Variants in CSMD3 observed in about 807,000 individuals in gnomAD.
CSMD3 encodes the protein CUB and Sushi multiple domains 3, also known as CUB and sushi domain-containing protein 3.
In CSMD3, 177 loss-of-function variants were observed where a neutral mutation model predicts 435.2. The observed-to-expected ratio is 0.41, with a 90% CI of 0.36 to 0.46. The LOEUF (loss-of-function observed/expected upper bound fraction) is 0.46. CSMD3 is among the 20% of genes least tolerant of loss of function. The pLI is 0.34. For missense variants in CSMD3, 4,265 were observed against 4,504.6 expected, an observed-to-expected ratio of 0.95 and a Z score of 1.52; for synonymous variants, 1,656 against 1,520.5, an observed-to-expected ratio of 1.09 and a Z score of -2.07.
chr8:113,255,657 G>A (rs968340548), intron 3 of CSMD3, among the ~76,000 whole-genome samples: 5 of 151,802 alleles, frequency 3.3e-5, no homozygotes, highest in Non-Finnish European at 5.9e-5. Context: ...GTTCAATCCT[G>A]CTAATAAAGG....
At chr8:112,786,430 T>C (rs887491826) in intron 13 of CSMD3, among the ~76,000 whole-genome samples, 11 of 152,096 alleles carry the variant, frequency 7.2e-5, no homozygotes, top group African/African-American at 2.7e-4. Context: ...TGAAATTATG[T>C]CAAGTTTAAA....
intron 8 of CSMD3, among the ~76,000 whole-genome samples, chr8:112,949,893 T>C (rs951432765): frequency 6.6e-6 from 1 of 152,008 alleles, no homozygotes; most frequent in African/African-American, 2.4e-5. Flanking sequence ...CATGTCTCCA[T>C]GTTTTCCTTT....
In CSMD3 at chr8:112,636,954, C is replaced by T. The variant is rs1323845975; in HGVS notation, c.3578G>A (p.Arg1193Gln). 3.1e-6 allele frequency: 5 copies of T among 1,613,496 alleles called. No homozygotes were observed. Among genetic ancestry groups the T allele is most frequent in the Non-Finnish European group, 4.2e-6 (5 of 1,179,778 alleles). Residue 1193 changes from arginine to glutamine, a missense_variant, in exon 22 of 71, where the codon CGA becomes CAA. By Grantham distance (43) the Arg-to-Gln change is conservative. Transcript: ENST00000297405. Reference protein sequence around the residue: ...EDPGIPQYGSRIGFNFGIGDT... With the variant: ...EDPGIPQYGSQIGFNFGIGDT... ...ACCAATCCCAAAGTTGAACCCGATT[C>T]GACTACCATATTGAGGAATGCCAGG...
rs1353132190 is a variant in CSMD3 at position 112,587,269 on chromosome 8, AATAG to A, written c.3716-38_3716-35del. 9 of 1,481,360 alleles carry A rather than the reference AATAG, an allele frequency of 6.1e-6. No homozygotes were observed. The South Asian group carries it at 1.0e-4, about 17-fold the overall frequency. The allele number at this position is 1,481,360 out of a possible 1,614,324, so 91.8% of individuals were successfully genotyped here. On this transcript the variant is annotated intron_variant, in intron 22 of 70. Coordinates refer to ENST00000297405, the MANE Select transcript of CSMD3 (RefSeq NM_198123.2). The stretch of plus-strand genomic sequence containing the variant: ...AAAACAGAATATTGAAGTACAGTTT[AATAG>A]ATAGCAGTATCATTTTCAAGCAATA...
At chr8:112,496,060 C>G (rs1050681615) in intron 30 of CSMD3, among the ~76,000 whole-genome samples, 3 of 152,104 alleles carry the variant, frequency 2.0e-5, no homozygotes, top group East Asian at 3.9e-4. Flanking sequence ...AGCTCCGCCT[C>G]TCCGGTTCAC....
chr8:113,271,651 T>A (rs1431612440), intron 3 of CSMD3, among the ~76,000 whole-genome samples: 1 of 152,170 alleles, frequency 6.6e-6, no homozygotes, highest in Admixed American at 6.6e-5. Flanking sequence ...GGGGCCCTCA[T>A]GGATAACTTA....
intron 28 of CSMD3, among the ~76,000 whole-genome samples, chr8:112,516,276 A>C (rs1192086488): frequency 6.6e-6 from 1 of 152,172 alleles, no homozygotes; most frequent in Non-Finnish European, 1.5e-5. Flanking sequence ...AAATAAATAA[A>C]ATTTTCAGTA....
At chr8:113,000,879 GCAACCA>G (rs2085837194) in intron 6 of CSMD3, among the ~76,000 whole-genome samples, 1 of 151,872 alleles carries the variant, frequency 6.6e-6, no homozygotes, top group Non-Finnish European at 1.5e-5. Context: ...ATCATCACTT[GCAACCA>G]CAAATATACT....
At chr8:112,941,498 A>C (rs76647302) in intron 9 of CSMD3, among the ~76,000 whole-genome samples, 5,121 of 151,888 alleles carry the variant, frequency 0.034, 148 homozygotes, top group Middle Eastern at 0.051. Flanking sequence ...ATAAACGATT[A>C]ACTAAGATAA....
At chr8:113,200,333 C>A (rs1242556582) in intron 3 of CSMD3, among the ~76,000 whole-genome samples, 3 of 151,844 alleles carry the variant, frequency 2.0e-5, no homozygotes, top group Non-Finnish European at 4.4e-5. Flanking sequence ...TAGGATGCTG[C>A]AATATGCCCC....
chr8:113,276,573 G>A (rs1323851619), intron 3 of CSMD3, among the ~76,000 whole-genome samples: 1 of 152,048 alleles, frequency 6.6e-6, no homozygotes, highest in Non-Finnish European at 1.5e-5. Flanking sequence ...GAATACGCCA[G>A]AAAGTAGATT....
intron 45 of CSMD3, among the ~76,000 whole-genome samples, chr8:112,325,106 G>A (rs1405319003): frequency 6.6e-6 from 1 of 151,790 alleles, no homozygotes; most frequent in East Asian, 1.9e-4. Flanking sequence ...CCACTGATAG[G>A]CATGTGGCCT....
intron 32 of CSMD3, among the ~76,000 whole-genome samples, chr8:112,432,841 T>C (rs1184858544): frequency 6.6e-6 from 1 of 150,538 alleles, no homozygotes; most frequent in Admixed American, 6.7e-5. Flanking sequence ...TTTGGGAGGC[T>C]GAGGTAAGAG....
chr8:113,220,525 G>A (rs977732707), intron 3 of CSMD3, among the ~76,000 whole-genome samples: 3 of 151,328 alleles, frequency 2.0e-5, no homozygotes, highest in African/African-American at 7.3e-5. Flanking sequence ...AAAAATTAAT[G>A]CAAAGGCCTA....
chr8:112,347,596 A>G (rs1005413341), intron 40 of CSMD3, among the ~76,000 whole-genome samples: 1 of 152,194 alleles, frequency 6.6e-6, no homozygotes, highest in Non-Finnish European at 1.5e-5. Flanking sequence ...CTGCATATAA[A>G]CCTTTCATCA....
chr8:112,511,634 C>T (rs1823150464), intron 28 of CSMD3, among the ~76,000 whole-genome samples: 1 of 152,008 alleles, frequency 6.6e-6, no homozygotes, highest in Admixed American at 6.6e-5. Flanking sequence ...TTGTGATCCG[C>T]TCGTCTCGGC....
chr8:113,249,486 A>G (rs1414186745), intron 3 of CSMD3, among the ~76,000 whole-genome samples: 1 of 152,086 alleles, frequency 6.6e-6, no homozygotes, highest in Non-Finnish European at 1.5e-5. Context: ...GGTATTTGTT[A>G]CAACAGTTGT....
chr8:112,876,186 A>T (rs1328622517), intron 10 of CSMD3, among the ~76,000 whole-genome samples: 4 of 152,146 alleles, frequency 2.6e-5, no homozygotes, highest in African/African-American at 9.7e-5. Flanking sequence ...GGTAGTAATT[A>T]ATAGTATACC....
chr8:113,133,228 T>C (rs2091329207), intron 4 of CSMD3, among the ~76,000 whole-genome samples: 1 of 152,042 alleles, frequency 6.6e-6, no homozygotes, highest in Non-Finnish European at 1.5e-5. Context: ...AAAGATAAGT[T>C]AAACTTCACT....
Sources: allele counts gnomAD v4.1 joint callset (sites outside exome capture counted in the v4.1 genomes callset), GRCh38; gene constraint gnomAD v4.1.1; transcripts MANE v1.5; gene names NCBI Gene and HGNC (gene_info 2026-07-23, HGNC 2026-07-21).